GRIN2C: variants seen among roughly 807,000 people sequenced by gnomAD.
GRIN2C encodes the protein glutamate ionotropic receptor NMDA type subunit 2C.
In GRIN2C, 64 loss-of-function variants were observed where a neutral mutation model predicts 77.7. The observed-to-expected ratio is 0.82, with a 90% confidence interval of 0.67 to 1.01. The LOEUF (loss-of-function observed/expected upper bound fraction) is 1.01. GRIN2C is among the 50% of genes least tolerant of loss of function. The pLI is 0.00. For missense variants in GRIN2C, 1,549 were observed against 1,486.0 expected, an observed-to-expected ratio of 1.04 and a Z score of -0.70; for synonymous variants, 792 against 643.4, an observed-to-expected ratio of 1.23 and a Z score of -3.49.
Position 74,852,530 on chromosome 17 carries a change from C to G in GRIN2C, c.481G>C (p.Asp161His). 2 of 1,567,276 alleles carry G rather than the reference C, an allele frequency of 1.3e-6. No individual in the cohort carries two copies. The highest frequency in any genetic ancestry group is 1.7e-6 in the Non-Finnish European group (2 of 1,164,324). ...GTGATGACGGCGAAGGCGCTCCAGT[C>G]GTACTCTTCCAGCACCTTGAACAGC... The part of the protein sequence containing the change: ...QVLFKVLEEY[D>H]WSAFAVITSL... The change falls in exon 3 of 13, where the codon GAC becomes CAC. Residue 161 changes from aspartate to histidine, a missense_variant. This residue lies in a region of GRIN2C where 382 missense variants were observed against 360.0 expected (regional missense o/e 1.06). Coordinates refer to ENST00000293190, the MANE Select transcript of GRIN2C (RefSeq NM_000835.6).
chr17:74,843,263 C>T lies in GRIN2C; in HGVS notation c.2874G>A (p.Thr958=), dbSNP rs565713123. ...TPDPPPEPSP[T]GWGPPDGGRA... ...GACCCCCGTCTGGCGGTCCCCAGCCCGTGGGGCTCGGCTCTGGGGGCGGGT... is the reference window on the plus strand; with the variant it reads ...GACCCCCGTCTGGCGGTCCCCAGCCTGTGGGGCTCGGCTCTGGGGGCGGGT... Residue 958 remains threonine (T), a synonymous_variant, in exon 13 of 13, where the codon ACG becomes ACA. Coordinates refer to ENST00000293190, the MANE Select transcript of GRIN2C (RefSeq NM_000835.6). 7.8e-5 allele frequency: 62 copies of T among 795,038 alleles called. No individual in the cohort carries two copies. The East Asian group carries it at 2.1e-3, about 27-fold the overall frequency. The allele number at this position is 795,038 out of a possible 1,614,324, so 49.2% of individuals were successfully genotyped here.
In GRIN2C at chr17:74,850,891, G is replaced by A; in HGVS notation, c.1114-124C>T. On this transcript the variant is annotated intron_variant, in intron 4 of 12. Coordinates refer to ENST00000293190, the MANE Select transcript of GRIN2C (RefSeq NM_000835.6). This position sits in a 1 kb window ranked among gnomAD's most constrained non-coding sequence, Gnocchi z 5.3. Reference sequence around the variant, plus strand: ...GGGATGCTGGGGCAGGTCAGAGTAGGGCTGCTCCCAACAGCCTCCCCCAGC... The same window carrying A: ...GGGATGCTGGGGCAGGTCAGAGTAGAGCTGCTCCCAACAGCCTCCCCCAGC... The A allele has an allele frequency of 1.3e-6, 1 of 792,758 alleles. No homozygotes were observed. The highest frequency in any genetic ancestry group is 2.1e-6 in the Non-Finnish European group (1 of 481,790). The allele number at this position is 792,758 out of a possible 1,614,324, so 49.1% of individuals were successfully genotyped here. A position where few individuals can be genotyped will look rare whatever the true frequency, so the allele number is the denominator to read the frequency against.
Position 74,846,308 on chromosome 17 carries a change from C to T in GRIN2C, c.2163-55G>A, listed in dbSNP as rs1004622200. ...GACCATATGGGAGGGGAGGGGACAC[C>T]GAAACTGGGGCGTGACAGGGGTCTA... On this transcript the variant is annotated intron_variant, in intron 10 of 12. Coordinates refer to ENST00000293190, the MANE Select transcript of GRIN2C (RefSeq NM_000835.6). This position sits in a 1 kb window ranked among gnomAD's most constrained non-coding sequence, Gnocchi z 4.4. The T allele has an allele frequency of 9.3e-5, 142 of 1,519,356 alleles. 1 individual carries two copies. The East Asian group carries it at 1.2e-3, about 13-fold the overall frequency. 94.1% of individuals were successfully genotyped at this position (1,519,356 alleles called of 1,614,324 possible). A position where few individuals can be genotyped will look rare whatever the true frequency, so the allele number is the denominator to read the frequency against.
rs746816887 is a variant in GRIN2C, at chr17:74,846,138, C to T, written c.2278G>A (p.Gly760Ser). 7.4e-6 allele frequency: 12 copies of T among 1,614,080 alleles called. No individual in the cohort carries two copies. Among genetic ancestry groups the T allele is most frequent in the South Asian group, 2.2e-5 (2 of 91,084 alleles). Residue 760 changes from glycine (G) to serine (S), a missense_variant, in exon 11 of 13, where the codon GGC becomes AGC. This residue lies in a region of GRIN2C where 717 missense variants were observed against 858.1 expected (regional missense o/e 0.84). Transcript: ENST00000293190. This position sits in a 1 kb window ranked among gnomAD's most constrained non-coding sequence, Gnocchi z 4.4. ...SGKVFATTGY[G>S]IAMQKDSHWK... The stretch of plus-strand genomic sequence containing the variant: ...TGGGAGTCCTTCTGCATGGCGATGC[C>T]GTAGCCAGTGGTAGCAAAGACCTTG...
At position 74,846,248 on chromosome 17, in the gene GRIN2C, A is replaced by G. The variant is rs2037453179; in HGVS notation, c.2168T>C (p.Leu723Pro). Residue 723 changes from leucine to proline, a missense_variant, in exon 11 of 13, where the codon CTG (leucine) becomes CCG (proline). Physicochemically the swap from Leu to Pro is moderately conservative, Grantham distance 98. Transcript: ENST00000293190. The surrounding 1 kb of genome is among the most constrained non-coding windows in gnomAD (Gnocchi z 4.4). ...DALTSLKMGKLDAFIYDAAVL... is the reference protein window; with the variant it reads ...DALTSLKMGKPDAFIYDAAVL... ...AGCAGCATCATAGATGAAGGCATCC[A>G]GCTTCCTGGGGACAGGCTGAGCCTC... 6 of 1,614,024 alleles carry G rather than the reference A, an allele frequency of 3.7e-6. No homozygotes were observed. The highest frequency in any genetic ancestry group is 5.1e-6 in the Non-Finnish European group (6 of 1,179,894).
rs1491001909 is a variant in GRIN2C at position 74,846,641 on chromosome 17, C to T, written c.2162+119G>A. 1 of 1,101,812 alleles carries T rather than the reference C, an allele frequency of 9.1e-7. No individual in the cohort carries two copies. The allele number at this position is 1,101,812 out of a possible 1,614,324, so 68.3% of individuals were successfully genotyped here. A position where few individuals can be genotyped will look rare whatever the true frequency, so the allele number is the denominator to read the frequency against. On this transcript the variant is annotated intron_variant, in intron 10 of 12. Coordinates refer to ENST00000293190, the MANE Select transcript of GRIN2C (RefSeq NM_000835.6). This position sits in a 1 kb window ranked among gnomAD's most constrained non-coding sequence, Gnocchi z 4.4. ...TCCACTCTGCCCCAAGACCTCTTCC[C>T]TCCACCCCACAGGAGTCCTGCAGGA... is the stretch of plus-strand genomic sequence containing the variant.
At chr17:74,852,749 GC>G in intron 2 of GRIN2C, 138 bp from the exon 3 acceptor site, 1 of 480,898 alleles carries the variant, frequency 2.1e-6, no homozygotes, top group East Asian at 3.5e-5. Flanking sequence ...CCTCTGGCCT[GC>G]GCCTCCCTCC....
chr17:74,844,047 T>C (rs972614358), intron 12 of GRIN2C: 11 of 842,710 alleles, frequency 1.3e-5, no homozygotes, highest in Non-Finnish European at 1.4e-5. Flanking sequence ...CTAATTCTTT[T>C]ATTTTCTGTA....
chr17:74,847,985 C>G lies in GRIN2C; in HGVS notation c.1646-8G>C, dbSNP rs1409846554. 16 of 1,613,862 alleles carry G rather than the reference C, an allele frequency of 9.9e-6. No individual in the cohort carries two copies. Among genetic ancestry groups the G allele is most frequent in the Non-Finnish European group, 1.3e-5 (15 of 1,179,936 alleles). On this transcript the variant is annotated splice_polypyrimidine_tract_variant and splice_region_variant and intron_variant, in intron 7 of 12. Coordinates refer to ENST00000293190, the MANE Select transcript of GRIN2C (RefSeq NM_000835.6). The surrounding 1 kb of genome is among the most constrained non-coding windows in gnomAD (Gnocchi z 5.2). Reference sequence around the variant, plus strand: ...CTGCAGGGCTATATGGCTCTGGGGACAGAGGGAGGCAGCTCAGAGGCCTCG... The same window carrying G: ...CTGCAGGGCTATATGGCTCTGGGGAGAGAGGGAGGCAGCTCAGAGGCCTCG...
rs778829349 is a variant in GRIN2C, at chr17:74,842,497, T to TC, written c.3639dup (p.Thr1214AspfsTer65). 4 of 778,886 alleles carry TC rather than the reference T, an allele frequency of 5.1e-6. No individual in the cohort carries two copies. The highest frequency in any genetic ancestry group is 9.6e-6 in the Non-Finnish European group (4 of 417,724). The allele number at this position is 778,886 out of a possible 1,614,324, so 48.2% of individuals were successfully genotyped here. Reference sequence around the variant, plus strand: ...GTGCAGGGTCCCGGGAAGCCTTGCGTCCCACGGGCTACCCTGCTGATCTCG... The same window carrying TC: ...GTGCAGGGTCCCGGGAAGCCTTGCGTCCCCACGGGCTACCCTGCTGATCTCG... On this transcript the variant is annotated frameshift_variant, in exon 13 of 13. Transcript: ENST00000293190. LOFTEE classifies it high-confidence loss of function.
chr17:74,860,360 A>T, upstream of GRIN2C: 1 of 454,184 alleles, frequency 2.2e-6, no homozygotes, highest in Non-Finnish European at 4.4e-6. Flanking sequence ...GGACCGAGCC[A>T]GAAGTCCCCT....
Position 74,850,606 on chromosome 17 carries a change from G to A in GRIN2C, c.1275C>T (p.Gly425=). Residue 425 remains glycine (G), a synonymous_variant, in exon 5 of 13, where the codon GGC becomes GGT. Coordinates refer to ENST00000293190, the MANE Select transcript of GRIN2C (RefSeq NM_000835.6). This position sits in a 1 kb window ranked among gnomAD's most constrained non-coding sequence, Gnocchi z 5.3. ...IVESPDPGTG[G]CVPNTVPCRR... ...GGCAGGGCACGGTGTTGGGGACACA[G>A]CCTCCTGTGCCAGGGTCAGGGCTCT... The A allele has an allele frequency of 6.2e-7, 1 of 1,613,592 alleles. No individual in the cohort carries two copies. The highest frequency in any genetic ancestry group is 1.7e-5 in the Admixed American group (1 of 60,030).
chr17:74,854,499 G>A, intron 2 of GRIN2C, 195 bp downstream of exon 2: 1 of 571,140 alleles, frequency 1.8e-6, no homozygotes, highest in South Asian at 2.5e-5. Flanking sequence ...CACAATGTGA[G>A]GTCAGCCCAG....
In GRIN2C at chr17:74,852,217, G is replaced by A; in HGVS notation, c.794C>T (p.Pro265Leu). 1.4e-6 allele frequency: 2 copies of A among 1,445,804 alleles called. No homozygotes were observed. The highest frequency in any genetic ancestry group is 9.1e-7 in the Non-Finnish European group (1 of 1,101,814). The allele number at this position is 1,445,804 out of a possible 1,614,324, so 89.6% of individuals were successfully genotyped here. A position where few individuals can be genotyped will look rare whatever the true frequency, so the allele number is the denominator to read the frequency against. ...GAGGCCCACGGGGAAGGTGGCGGGG[G>A]GCGCATCGGTGCTGCCCAGCGCCAG... The part of the protein sequence containing the change: ...PNLALGSTDA[P>L]PATFPVGLIS... Residue 265 changes from proline to leucine, a missense_variant, in exon 3 of 13, where the codon CCC becomes CTC. Physicochemically the swap from Pro to Leu is moderately conservative, Grantham distance 98. Around this residue, in one of 3 missense-constraint regions of GRIN2C, gnomAD observed 717 missense variants for 858.1 expected, o/e 0.84. Transcript: ENST00000293190.
At position 74,852,411 on chromosome 17, in the gene GRIN2C, C is replaced by A. The variant is rs1436225513; in HGVS notation, c.600G>T (p.Thr200=). 2 of 1,501,664 alleles carry A rather than the reference C, an allele frequency of 1.3e-6. No homozygotes were observed. The highest frequency in any genetic ancestry group is 2.2e-5 in the Admixed American group (1 of 46,076). The allele number at this position is 1,501,664 out of a possible 1,614,324, so 93.0% of individuals were successfully genotyped here. A position where few individuals can be genotyped will look rare whatever the true frequency, so the allele number is the denominator to read the frequency against. ...GCGGCCCTCCCGGGCCCAGCTCCAG[C>A]GTGACCACGTCCAGCAGCCGCCAAC... The part of the protein sequence containing the change: ...HVSWRLLDVV[T]LELGPGGPRA... The change falls in exon 3 of 13, where the codon ACG becomes ACT. Residue 200 remains threonine, a synonymous_variant. Coordinates refer to ENST00000293190, the MANE Select transcript of GRIN2C (RefSeq NM_000835.6).
chr17:74,852,822 G>A, intron 2 of GRIN2C: 3 of 421,594 alleles, frequency 7.1e-6, no homozygotes, highest in Non-Finnish European at 1.2e-5. Context: ...AGCCCACCAC[G>A]CTGGCCCGCA....
rs1285252695 is a variant in GRIN2C, at chr17:74,844,300, C to T, written c.2559G>A (p.Leu853=). The change falls in exon 12 of 13, where the codon CTG becomes CTA. Residue 853 remains leucine, a synonymous_variant. Coordinates refer to ENST00000293190, the MANE Select transcript of GRIN2C (RefSeq NM_000835.6). ...CCCTGCTGAAAGCCAGCAGGAAGTC[C>T]AGCTGGGATGAGTTGGGCACCGAGT... The part of the protein sequence containing the change: ...LRHSVPNSSQ[L]DFLLAFSRGI... The T allele has an allele frequency of 1.2e-6, 2 of 1,613,858 alleles. No homozygotes were observed. The highest frequency in any genetic ancestry group is 2.7e-5 in the African/African-American group (2 of 74,908).
At chr17:74,844,224 T>C in intron 12 of GRIN2C, 52 bp downstream of exon 12, 1 of 1,601,832 alleles carries the variant, frequency 6.2e-7, no homozygotes. Flanking sequence ...CGGACTTATC[T>C]GGGTAGGTGC....
intron 1 of GRIN2C, among the ~76,000 whole-genome samples, chr17:74,857,521 C>G (rs78391580): frequency 0.044 from 6,731 of 152,270 alleles, 210 homozygotes; most frequent in Non-Finnish European, 0.067. Context: ...CCTAGCCATG[C>G]CATGCCATGC....
Sources: allele counts gnomAD v4.1 joint callset (sites outside exome capture counted in the v4.1 genomes callset), GRCh38; gene constraint gnomAD v4.1.1; regional missense constraint gnomAD v4.1.1; non-coding constraint Gnocchi (gnomAD v3.1); transcripts MANE v1.5; gene names NCBI Gene and HGNC (gene_info 2026-07-23, HGNC 2026-07-21).